Variants in CCDC178 observed in about 807,000 individuals in gnomAD.
CCDC178 encodes coiled-coil domain containing 178.
In CCDC178, 126 loss-of-function variants were observed where a neutral mutation model predicts 117.4. The ratio of observed to expected loss-of-function variants is 1.07; its 90% confidence interval spans 0.93 to 1.24. CCDC178 has a LOEUF of 1.24. Among genes scored for constraint, CCDC178 ranks in the 50% most tolerant of loss-of-function variants. The pLI is 0.00. For synonymous variants in CCDC178, 283 were observed against 313.4 expected (o/e 0.90, Z 1.02); for missense variants, 1,030 against 986.9 (o/e 1.04, Z -0.59).
At chr18:33,149,320 A>AT (rs2058313029) in intron 20 of CCDC178, among the ~76,000 whole-genome samples, 2 of 152,202 alleles carry the variant, frequency 1.3e-5, no homozygotes, top group South Asian at 4.1e-4. Flanking sequence ...CAGTGAGGAG[A>AT]TTAAGAAGAG....
At chr18:33,338,136 C>A (rs930897638) in intron 9 of CCDC178, among the ~76,000 whole-genome samples, 15 of 152,068 alleles carry the variant, frequency 9.9e-5, no homozygotes, top group Non-Finnish European at 1.8e-4. Flanking sequence ...AAATGGCCAA[C>A]AAACATATGG....
chr18:33,300,991 G>A (rs949965186), intron 11 of CCDC178, among the ~76,000 whole-genome samples: 1 of 152,156 alleles, frequency 6.6e-6, no homozygotes, highest in Non-Finnish European at 1.5e-5. Context: ...GACTTTCAAG[G>A]CATTACAGAG....
chr18:33,267,360 A>C, intron 12 of CCDC178, 63 bp from the exon 13 acceptor site: 1 of 895,294 alleles, frequency 1.1e-6, no homozygotes, highest in Non-Finnish European at 1.7e-6. Context: ...CATAAGGTAA[A>C]AAATAAATTA....
At chr18:33,401,258 T>A (rs1370743377) in intron 3 of CCDC178, among the ~76,000 whole-genome samples, 1 of 152,192 alleles carries the variant, frequency 6.6e-6, no homozygotes, top group Non-Finnish European at 1.5e-5. Context: ...TTTCTACATG[T>A]TGTTAGAAAA....
intron 21 of CCDC178, among the ~76,000 whole-genome samples, chr18:33,076,701 G>A (rs1284491603): frequency 6.6e-6 from 1 of 152,246 alleles, no homozygotes; most frequent in East Asian, 1.9e-4. Context: ...TGAGGGGGAG[G>A]AGGCGGTAGT....
intron 21 of CCDC178, among the ~76,000 whole-genome samples, chr18:33,073,533 ATC>A (rs1422117115): frequency 5.4e-5 from 8 of 149,436 alleles, no homozygotes; most frequent in Admixed American, 1.3e-4. Context: ...CTATCTATCT[ATC>A]TATCTATCTA....
intron 18 of CCDC178, among the ~76,000 whole-genome samples, chr18:33,219,916 TATAATAATG>T (rs2059211291): frequency 6.6e-6 from 1 of 151,972 alleles, no homozygotes; most frequent in Non-Finnish European, 1.5e-5. Context: ...GAACTTAAAG[TATAATAATG>T]ATAATAATAA....
intron 20 of CCDC178, among the ~76,000 whole-genome samples, chr18:33,201,711 C>T (rs1387364708): frequency 6.6e-6 from 1 of 152,086 alleles, no homozygotes; most frequent in African/African-American, 2.4e-5. Context: ...CCTAGGAAGA[C>T]GCTGACAAGA....
intron 21 of CCDC178, among the ~76,000 whole-genome samples, chr18:33,071,235 G>A (rs923920792): frequency 6.6e-6 from 1 of 152,000 alleles, no homozygotes; most frequent in Non-Finnish European, 1.5e-5. Context: ...GAATGAATTG[G>A]TCATGTAGAA....
At chr18:33,230,742 G>A (rs2059359728) in intron 15 of CCDC178, among the ~76,000 whole-genome samples, 1 of 152,162 alleles carries the variant, frequency 6.6e-6, no homozygotes, top group Admixed American at 6.5e-5. Context: ...TTCCTGAGAT[G>A]TGGAGAGATG....
intron 6 of CCDC178, among the ~76,000 whole-genome samples, chr18:33,357,225 C>T (rs1389753384): frequency 2.0e-5 from 3 of 152,076 alleles, no homozygotes; most frequent in Middle Eastern, 3.2e-3. Context: ...AACCAAACCA[C>T]CTTGGGCACA....
chr18:33,282,846 T>C (rs1173489236), intron 12 of CCDC178, among the ~76,000 whole-genome samples: 2 of 152,120 alleles, frequency 1.3e-5, no homozygotes, highest in African/African-American at 2.4e-5. Context: ...CTCCCCCTTG[T>C]GTTAATACTG....
intron 15 of CCDC178, among the ~76,000 whole-genome samples, chr18:33,230,650 TC>T (rs1439098119): frequency 2.0e-5 from 3 of 152,106 alleles, no homozygotes; most frequent in African/African-American, 7.2e-5. Flanking sequence ...GAGGAGAAGC[TC>T]AGGGCCCATT....
At chr18:33,411,998 T>C in intron 3 of CCDC178, 33 bp downstream of exon 3, 3 of 1,116,386 alleles carry the variant, frequency 2.7e-6, no homozygotes, top group Admixed American at 4.1e-5. Flanking sequence ...CTATGAACTA[T>C]TTTCAAAGAA....
At chr18:33,117,333 A>G (rs559704178) in intron 20 of CCDC178, among the ~76,000 whole-genome samples, 2 of 152,046 alleles carry the variant, frequency 1.3e-5, no homozygotes, top group Non-Finnish European at 2.9e-5. Context: ...GTTTATGGCA[A>G]TTAATGGGAT....
At chr18:32,957,854 A>G (rs371548388) in intron 22 of CCDC178, 29 of 159,230 alleles carry the variant, frequency 1.8e-4, no homozygotes, top group Middle Eastern at 3.0e-3. Context: ...GTTGCATCGT[A>G]TGATTTGGAG....
Position 33,215,542 on chromosome 18 carries a change from G to A in CCDC178, c.2078+8C>T. The A allele has an allele frequency of 7.8e-7, 1 of 1,275,008 alleles. No individual in the cohort carries two copies. Among genetic ancestry groups the A allele is most frequent in the South Asian group, 1.6e-5 (1 of 63,080 alleles). 79.0% of individuals were successfully genotyped at this position (1,275,008 alleles called of 1,614,324 possible). Reference sequence around the variant, plus strand: ...AACTTCATATTTTGATAAAGTTTAAGTACTTACTTTAATATTTCAAGTGTC... The same window carrying A: ...AACTTCATATTTTGATAAAGTTTAAATACTTACTTTAATATTTCAAGTGTC... On this transcript the variant is annotated splice_region_variant and intron_variant, in intron 19 of 22. Coordinates refer to ENST00000383096, the MANE Select transcript of CCDC178 (RefSeq NM_001105528.4).
At chr18:33,214,676 A>G (rs1010372415) in intron 19 of CCDC178, among the ~76,000 whole-genome samples, 1 of 152,074 alleles carries the variant, frequency 6.6e-6, no homozygotes, top group African/African-American at 2.4e-5. Context: ...TATAGTGAAT[A>G]TGAGTAGTGT....
At chr18:33,285,023 G>A (rs1044905591) in intron 12 of CCDC178, among the ~76,000 whole-genome samples, 15 of 151,748 alleles carry the variant, frequency 9.9e-5, no homozygotes, top group African/African-American at 3.4e-4. Flanking sequence ...GAAAGAAATT[G>A]TAACCATAAA....
Sources: gnomAD v4.1 joint callset for allele counts (sites outside exome capture counted in the v4.1 genomes callset) on GRCh38, gnomAD v4.1.1 for gene constraint, MANE v1.5 for transcripts, NCBI Gene and HGNC (gene_info 2026-07-23, HGNC 2026-07-21) for gene names.